Variants in AP3B1 observed in about 807,000 individuals in gnomAD.
The protein encoded by AP3B1 is AP-3 complex subunit beta-1.
AP3B1 carries 61 observed loss-of-function variants against 132.5 expected under a neutral mutation model. The ratio of observed to expected loss-of-function variants is 0.46; its 90% CI spans 0.37 to 0.57. AP3B1 has a LOEUF of 0.57. AP3B1 is among the 20% of genes least tolerant of loss of function. The probability of loss-of-function intolerance (pLI) is 0.00; values close to 1 mark genes in which losing one functional copy is unlikely to be tolerated. For missense variants in AP3B1, 1,120 were observed against 1,289.4 expected, an observed-to-expected ratio of 0.87 and a Z score of 2.01; for synonymous variants, 388 against 438.3, an observed-to-expected ratio of 0.89 and a Z score of 1.43.
intron 18 of AP3B1, 102 bp from the exon 19 acceptor site, chr5:78,114,025 AT>A: frequency 1.5e-6 from 2 of 1,343,872 alleles, no homozygotes; most frequent in Non-Finnish European, 2.1e-6. Flanking sequence ...CAGATGTTGA[AT>A]TTTAGTTCAG....
chr5:78,118,788 G>A (rs1751995705), intron 17 of AP3B1, among the ~76,000 whole-genome samples: 1 of 151,652 alleles, frequency 6.6e-6, no homozygotes, highest in Non-Finnish European at 1.5e-5. Context: ...AACCTCTGCA[G>A]ACTTAAATGT....
In AP3B1 at chr5:78,002,402, A is replaced by G. The variant is rs1466640659; in HGVS notation, c.*500T>C. On this transcript the variant is annotated 3_prime_UTR_variant, in exon 27 of 27. Coordinates refer to ENST00000255194, the MANE Select transcript of AP3B1 (RefSeq NM_003664.5). ...ATGACAGTTATCAATAATCAATTAC[A>G]ATATCAAGAAATTCAAAGAACAAAA... The G allele has an allele frequency of 2.5e-6, 1 of 397,436 alleles. No individual in the cohort carries two copies. The highest frequency in any genetic ancestry group is 2.1e-5 in the African/African-American group (1 of 48,682). 24.6% of individuals were successfully genotyped at this position (397,436 alleles called of 1,614,324 possible). A position where few individuals can be genotyped will look rare whatever the true frequency, so the allele number is the denominator to read the frequency against.
intron 2 of AP3B1, among the ~76,000 whole-genome samples, chr5:78,261,948 G>A (rs977440957): frequency 1.3e-5 from 2 of 150,742 alleles, no homozygotes; most frequent in African/African-American, 4.9e-5. Flanking sequence ...GACGAGATTT[G>A]TCTTTTTAGT....
intron 17 of AP3B1, among the ~76,000 whole-genome samples, chr5:78,122,929 C>T (rs1449904338): frequency 6.6e-6 from 1 of 152,198 alleles, no homozygotes; most frequent in Non-Finnish European, 1.5e-5. Context: ...AGGCATCATG[C>T]CATCTGACTT....
At chr5:78,096,579 C>G (rs1313287275) in intron 21 of AP3B1, among the ~76,000 whole-genome samples, 1 of 151,260 alleles carries the variant, frequency 6.6e-6, no homozygotes, top group Non-Finnish European at 1.5e-5. Flanking sequence ...CGTCTCTGCC[C>G]GGCCGCCCAT....
intron 26 of AP3B1, among the ~76,000 whole-genome samples, chr5:78,007,259 A>AGT: frequency 6.6e-6 from 1 of 152,220 alleles, no homozygotes; most frequent in Admixed American, 6.5e-5. Context: ...CACAAACATA[A>AGT]CATTTTTTAC....
intron 22 of AP3B1, among the ~76,000 whole-genome samples, chr5:78,072,659 T>A (rs1425825085): frequency 6.6e-6 from 1 of 151,692 alleles, no homozygotes. Flanking sequence ...TTATAAAAGC[T>A]GTATATAATT....
chr5:78,051,568 A>T lies in AP3B1; in HGVS notation c.2578-12294T>A, dbSNP rs562961172. ...TGCCTTGGAATAAGCCTTGTTCAGC[A>T]TCCACATTACTATTCAAAGATGACA... On this transcript the variant is annotated intron_variant, in intron 22 of 26. Transcript: ENST00000255194. Among the ~76,000 whole-genome samples the T allele has an allele frequency of 3.3e-5, 5 of 152,312 alleles. No individual in the cohort carries two copies. In the East Asian group the frequency reaches 9.6e-4, roughly 29 times the overall value.
chr5:78,241,236 T>C lies in AP3B1; in HGVS notation c.205-300A>G, dbSNP rs368123003. ...TTTTTTTTAGACAGATCCTACTCTG[T>C]CTCCCAGGCTAGAGTCCAGTGGCTC... On this transcript the variant is annotated intron_variant, in intron 2 of 26. Transcript: ENST00000255194. Among the ~76,000 whole-genome samples, 88 of 151,652 alleles carry C rather than the reference T, an allele frequency of 5.8e-4. 1 individual carries two copies. The East Asian group carries it at 7.0e-3, about 12-fold the overall frequency.
intron 14 of AP3B1, among the ~76,000 whole-genome samples, chr5:78,149,576 G>A (rs1005261567): frequency 3.3e-5 from 5 of 151,978 alleles, no homozygotes; most frequent in Non-Finnish European, 5.9e-5. Context: ...AGCTTACACC[G>A]AGCACTGTTC....
intron 25 of AP3B1, among the ~76,000 whole-genome samples, chr5:78,017,420 G>A (rs1428658925): frequency 1.3e-5 from 2 of 151,946 alleles, no homozygotes; most frequent in African/African-American, 2.4e-5. Flanking sequence ...ACTTAGGAGA[G>A]CAGCATGGTA....
intron 2 of AP3B1, among the ~76,000 whole-genome samples, chr5:78,259,862 C>T (rs1255116127): frequency 6.6e-6 from 1 of 151,798 alleles, no homozygotes; most frequent in Admixed American, 6.6e-5. Context: ...CCCAGCTATT[C>T]AGGAGGCTGA....
intron 7 of AP3B1, among the ~76,000 whole-genome samples, chr5:78,214,396 C>A (rs1017691863): frequency 2.0e-5 from 3 of 151,946 alleles, no homozygotes; most frequent in African/African-American, 7.3e-5. Flanking sequence ...AATAAACAGA[C>A]AAATATACAA....
intron 8 of AP3B1, among the ~76,000 whole-genome samples, chr5:78,178,813 T>C (rs774893205): frequency 6.6e-6 from 1 of 152,190 alleles, no homozygotes; most frequent in Non-Finnish European, 1.5e-5. Context: ...CTATGAAGTT[T>C]GAACAAATAT....
chr5:78,068,196 TGCCTGCAATCCCA>T (rs1749375385), intron 22 of AP3B1, among the ~76,000 whole-genome samples: 1 of 152,082 alleles, frequency 6.6e-6, no homozygotes. Context: ...TGGTGGCACA[TGCCTGCAATCCCA>T]GCTATCGGGA....
chr5:78,208,251 G>A (rs149786836), intron 7 of AP3B1, among the ~76,000 whole-genome samples: 90 of 152,286 alleles, frequency 5.9e-4, no homozygotes, highest in African/African-American at 1.9e-3. Flanking sequence ...TATCTCCTGG[G>A]AAGAAAATGA....
chr5:78,236,190 A>T (rs573828010), intron 3 of AP3B1, among the ~76,000 whole-genome samples: 19 of 152,332 alleles, frequency 1.2e-4, no homozygotes, highest in Middle Eastern at 6.8e-3. Flanking sequence ...CAAATGGAAA[A>T]GTTCTCCTAC....
At chr5:78,104,699 C>A (rs1391436711) in intron 20 of AP3B1, among the ~76,000 whole-genome samples, 1 of 152,120 alleles carries the variant, frequency 6.6e-6, no homozygotes, top group Non-Finnish European at 1.5e-5. Context: ...TTTACTTTAT[C>A]CCCAAGAATC....
chr5:78,055,092 G>A (rs1312021783), intron 22 of AP3B1, among the ~76,000 whole-genome samples: 1 of 151,640 alleles, frequency 6.6e-6, no homozygotes, highest in Non-Finnish European at 1.5e-5. Context: ...CTTGATCTGT[G>A]TGTAAATATT....
Sources: gnomAD v4.1 joint callset for allele counts (sites outside exome capture counted in the v4.1 genomes callset) on GRCh38, gnomAD v4.1.1 for gene constraint, MANE v1.5 for transcripts, NCBI Gene and HGNC (gene_info 2026-07-23, HGNC 2026-07-21) for gene names.